Variants in TMEM229B observed in about 807,000 individuals in gnomAD.
The protein encoded by TMEM229B is transmembrane protein 229B, also known as chromosome 14 open reading frame 83.
TMEM229B carries 6 observed loss-of-function variants against 13.7 expected under a neutral mutation model. The ratio of observed to expected loss-of-function variants is 0.44; its 90% CI spans 0.24 to 0.86. The LOEUF is 0.86. TMEM229B is among the 40% of genes least tolerant of loss of function. TMEM229B has a pLI of 0.23. For missense variants in TMEM229B, 170 were observed against 236.0 expected, an observed-to-expected ratio of 0.72 and a Z score of 1.83; for synonymous variants, 107 against 102.1, an observed-to-expected ratio of 1.05 and a Z score of -0.29.
chr14:67,530,938 A>G (rs1395718331), intron 1 of TMEM229B, among the ~76,000 whole-genome samples: 1 of 152,218 alleles, frequency 6.6e-6, no homozygotes, highest in Non-Finnish European at 1.5e-5. Context: ...ATGGCAGCTA[A>G]TACAATCATT....
At chr14:67,513,658 C>T (rs1201860327) in intron 1 of TMEM229B, among the ~76,000 whole-genome samples, 1 of 152,150 alleles carries the variant, frequency 6.6e-6, no homozygotes, top group East Asian at 1.9e-4. Flanking sequence ...CCACCCTGGC[C>T]CAACCTACTT....
chr14:67,494,900 T>A (rs1195449198), intron 1 of TMEM229B, among the ~76,000 whole-genome samples: 3 of 152,142 alleles, frequency 2.0e-5, no homozygotes, highest in Non-Finnish European at 4.4e-5. Flanking sequence ...TTGCTTGAAG[T>A]TAGGAGTTTG....
intron 1 of TMEM229B, among the ~76,000 whole-genome samples, chr14:67,514,247 G>C (rs2033123429): frequency 6.6e-6 from 1 of 152,130 alleles, no homozygotes; most frequent in South Asian, 2.1e-4. Context: ...GGGAAACCCT[G>C]GGGAAAGAAA....
chr14:67,505,810 A>G (rs1435316486), intron 1 of TMEM229B, among the ~76,000 whole-genome samples: 5 of 151,840 alleles, frequency 3.3e-5, no homozygotes, highest in African/African-American at 1.2e-4. Flanking sequence ...GGGTTCAAGC[A>G]ATTCTCCTGC....
At chr14:67,491,600 A>G (rs1244893057), upstream of TMEM229B, among the ~76,000 whole-genome samples, 1 of 152,156 alleles carries the variant, frequency 6.6e-6, no homozygotes, top group Non-Finnish European at 1.5e-5. Flanking sequence ...GACCGAATAC[A>G]TTTCTTATTA....
chr14:67,487,767 TA>T (rs2031962279), intron 1 of TMEM229B, among the ~76,000 whole-genome samples: 1 of 152,106 alleles, frequency 6.6e-6, no homozygotes, highest in South Asian at 2.1e-4. Context: ...ATACAAATCT[TA>T]CTTTATAATG....
At chr14:67,509,356 T>C (rs924811073) in intron 1 of TMEM229B, among the ~76,000 whole-genome samples, 1 of 152,174 alleles carries the variant, frequency 6.6e-6, no homozygotes, top group Non-Finnish European at 1.5e-5. Flanking sequence ...TTCACTCTTG[T>C]TGTCCAAGCT....
At chr14:67,480,234 G>A (rs546401046) in intron 2 of TMEM229B, among the ~76,000 whole-genome samples, 3 of 152,158 alleles carry the variant, frequency 2.0e-5, no homozygotes, top group African/African-American at 4.8e-5. Context: ...CCCTGCTCTC[G>A]GCAGCCTCCA....
intron 1 of TMEM229B, among the ~76,000 whole-genome samples, chr14:67,506,659 A>T (rs1303260216): frequency 6.6e-6 from 1 of 152,152 alleles, no homozygotes; most frequent in East Asian, 1.9e-4. Context: ...ATGAAAATAG[A>T]AGGAATGAAA....
intron 2 of TMEM229B, among the ~76,000 whole-genome samples, chr14:67,481,286 A>C (rs1566676659): frequency 6.6e-6 from 1 of 152,208 alleles, no homozygotes; most frequent in Admixed American, 6.5e-5. Context: ...TGTCTCTTAA[A>C]AAAGAAAGAA....
At chr14:67,521,255 A>G (rs748163032) in intron 1 of TMEM229B, among the ~76,000 whole-genome samples, 3 of 152,238 alleles carry the variant, frequency 2.0e-5, no homozygotes, top group South Asian at 2.1e-4. Flanking sequence ...ACAAAGTCAG[A>G]CTTCTGTATA....
rs1055318060 is a variant in TMEM229B at position 67,470,819 on chromosome 14, T to G, written c.*2601A>C. 6.6e-6 allele frequency: 1 copy of G among 152,612 alleles called. No individual in the cohort carries two copies. Among genetic ancestry groups the G allele is most frequent in the Non-Finnish European group, 1.5e-5 (1 of 68,096 alleles). 9.5% of individuals were successfully genotyped at this position (152,612 alleles called of 1,614,324 possible). A position where few individuals can be genotyped will look rare whatever the true frequency, so the allele number is the denominator to read the frequency against. Reference sequence around the variant, plus strand: ...AATCTGTAACTCAGAGATGCTGCCATGTCTAGTGGAGAGAGGCCCAGGACA... The same window carrying G: ...AATCTGTAACTCAGAGATGCTGCCAGGTCTAGTGGAGAGAGGCCCAGGACA... On this transcript the variant is annotated 3_prime_UTR_variant, in exon 3 of 3. Coordinates refer to ENST00000554480, the MANE Select transcript of TMEM229B (RefSeq NM_001348543.2).
At chr14:67,489,329 C>T (rs2032057678), upstream of TMEM229B, among the ~76,000 whole-genome samples, 1 of 152,178 alleles carries the variant, frequency 6.6e-6, no homozygotes, top group South Asian at 2.1e-4. Flanking sequence ...GAACTGCTTC[C>T]CACCCAAATC....
intron 1 of TMEM229B, among the ~76,000 whole-genome samples, chr14:67,524,629 G>A (rs1028646305): frequency 1.4e-4 from 21 of 152,100 alleles, no homozygotes; most frequent in African/African-American, 4.8e-4. Context: ...TGAAAGTTGC[G>A]AGATGGGCTT....
At chr14:67,501,807 C>T (rs1334744968) in intron 1 of TMEM229B, among the ~76,000 whole-genome samples, 2 of 152,190 alleles carry the variant, frequency 1.3e-5, no homozygotes. Flanking sequence ...TCATAAATTA[C>T]ATAATCCTCA....
chr14:67,532,735 C>T (rs537327239), intron 1 of TMEM229B, among the ~76,000 whole-genome samples: 3 of 152,286 alleles, frequency 2.0e-5, no homozygotes, highest in African/African-American at 2.4e-5. Flanking sequence ...TTTTCTTTTT[C>T]TCCTGCAAAT....
exon 1 of TMEM229B, chr14:67,515,090 G>GCGGGGC (rs2033159575): frequency 6.6e-6 from 1 of 152,342 alleles, no homozygotes; most frequent in Admixed American, 6.5e-5. Context: ...ACCTACCGGT[G>GCGGGGC]CGGGGCCGGG....
chr14:67,498,883 G>A (rs2032494608), intron 1 of TMEM229B, among the ~76,000 whole-genome samples: 1 of 152,156 alleles, frequency 6.6e-6, no homozygotes, highest in Non-Finnish European at 1.5e-5. Flanking sequence ...TGGTCAGGCT[G>A]GTCTTGAACT....
upstream of TMEM229B, among the ~76,000 whole-genome samples, chr14:67,492,893 G>A (rs1229737027): frequency 6.6e-6 from 1 of 152,238 alleles, no homozygotes; most frequent in African/African-American, 2.4e-5. Context: ...GCAGGTGGGA[G>A]ATCAGCAATA....
Sources: allele counts gnomAD v4.1 joint callset (sites outside exome capture counted in the v4.1 genomes callset), GRCh38; gene constraint gnomAD v4.1.1; transcripts MANE v1.5; gene names NCBI Gene and HGNC (gene_info 2026-07-23, HGNC 2026-07-21).